TUT4: variants seen among roughly 807,000 people sequenced by gnomAD.
The protein encoded by TUT4 is terminal uridylyltransferase 4.
In TUT4, 36 loss-of-function variants were observed where a neutral mutation model predicts 192.2. The ratio of observed to expected loss-of-function variants is 0.19; its 90% CI spans 0.14 to 0.25. The LOEUF (loss-of-function observed/expected upper bound fraction) is 0.25. Ranked by LOEUF, TUT4 falls within the 10% of genes least tolerant of loss-of-function variation. The pLI is 1.00. For missense variants in TUT4, 1,493 were observed against 1,957.2 expected (o/e 0.76, Z 4.47); for synonymous variants, 618 against 666.0 (o/e 0.93, Z 1.11).
chr1:52,424,395 T>C (rs1649109317), intron 29 of TUT4: 2 of 174,278 alleles, frequency 1.1e-5, no homozygotes, highest in African/African-American at 4.8e-5. Flanking sequence ...ATATGGGTGG[T>C]TTAAGAAGGC....
chr1:52,447,582 G>A (rs1657938878), intron 20 of TUT4, among the ~76,000 whole-genome samples: 1 of 151,668 alleles, frequency 6.6e-6, no homozygotes. Flanking sequence ...GAAAAAAGGA[G>A]AAAAAAACGC....
intron 16 of TUT4, chr1:52,463,252 T>C (rs1663121977): frequency 3.0e-6 from 3 of 987,962 alleles, no homozygotes; most frequent in Non-Finnish European, 3.6e-6. Flanking sequence ...TTCCTGGGTA[T>C]AAAAATCATT....
intron 7 of TUT4, 76 bp downstream of exon 7, chr1:52,493,535 C>T: frequency 1.9e-6 from 2 of 1,029,748 alleles, no homozygotes; most frequent in Non-Finnish European, 2.8e-6. Context: ...CTTGGTTAGC[C>T]ATATATAAAC....
At chr1:52,521,084 G>A (rs1044389457) in intron 2 of TUT4, among the ~76,000 whole-genome samples, 34 of 151,972 alleles carry the variant, frequency 2.2e-4, no homozygotes, top group African/African-American at 5.8e-4. Context: ...GTGAGCCACC[G>A]TGCCCGGCCA....
chr1:52,488,706 C>CCA, intron 9 of TUT4, among the ~76,000 whole-genome samples: 1 of 152,210 alleles, frequency 6.6e-6, no homozygotes, highest in East Asian at 1.9e-4. Context: ...TAAAATATAT[C>CCA]CATAAGTGTG....
intron 18 of TUT4, 29 bp downstream of exon 18, chr1:52,461,484 A>G (rs1361854496): frequency 6.3e-7 from 1 of 1,578,208 alleles, no homozygotes; most frequent in African/African-American, 1.4e-5. Context: ...AATGAAAAGT[A>G]TATACATGGC....
chr1:52,508,627 A>T (rs1676279490), intron 4 of TUT4, among the ~76,000 whole-genome samples: 1 of 152,148 alleles, frequency 6.6e-6, no homozygotes, highest in Non-Finnish European at 1.5e-5. Flanking sequence ...AATGTGTTAG[A>T]TTTTCTGATC....
intron 20 of TUT4, among the ~76,000 whole-genome samples, chr1:52,453,096 T>C (rs1659909755): frequency 6.6e-6 from 1 of 151,972 alleles, no homozygotes; most frequent in Admixed American, 6.6e-5. Context: ...AGAAAAAACA[T>C]TTTGGGGGCT....
At position 52,545,036 on chromosome 1, in the gene TUT4, G is replaced by A. The variant is rs373400858; in HGVS notation, c.-94+7895C>T. On this transcript the variant is annotated intron_variant, in intron 1 of 29. Coordinates refer to ENST00000257177, the MANE Select transcript of TUT4 (RefSeq NM_001009881.3). ...TGCGCCACTGCACCCCAGCCTAGGG[G>A]ACAGAGTGAGACCTTGTCCCCAAAA... 4.1e-5 allele frequency among the ~76,000 whole-genome samples: 6 copies of A among 145,934 alleles called. No individual in the cohort carries two copies. In the East Asian group the frequency reaches 1.2e-3, roughly 29 times the overall value.
chr1:52,438,431 C>A, intron 24 of TUT4, 96 bp from the exon 25 acceptor site: 1 of 789,742 alleles, frequency 1.3e-6, no homozygotes, highest in East Asian at 2.6e-5. Context: ...TTTATTTTTA[C>A]AAAGAAAATA....
intron 24 of TUT4, among the ~76,000 whole-genome samples, chr1:52,444,302 T>G (rs566772955): frequency 6.6e-6 from 1 of 152,364 alleles, no homozygotes; most frequent in East Asian, 1.9e-4. Context: ...TTTGCATTGT[T>G]TCAAATTTTA....
At chr1:52,474,774 A>T in intron 13 of TUT4, 58 bp downstream of exon 13, 3 of 1,390,706 alleles carry the variant, frequency 2.2e-6, no homozygotes, top group Non-Finnish European at 2.9e-6. Context: ...TCTAAAAAAT[A>T]TACATAGTCA....
At chr1:52,514,126 G>A (rs2149349674) in intron 3 of TUT4, among the ~76,000 whole-genome samples, 1 of 152,220 alleles carries the variant, frequency 6.6e-6, no homozygotes, top group African/African-American at 2.4e-5. Flanking sequence ...GAGGAAAAGT[G>A]AAAGAACTAA....
chr1:52,449,096 C>G (rs181685640), intron 20 of TUT4, among the ~76,000 whole-genome samples: 146 of 152,196 alleles, frequency 9.6e-4, no homozygotes, highest in African/African-American at 3.4e-3. Context: ...CACACACACA[C>G]ACACTCTCTC....
At chr1:52,450,070 A>G (rs1658901301) in intron 20 of TUT4, among the ~76,000 whole-genome samples, 2 of 152,326 alleles carry the variant, frequency 1.3e-5, no homozygotes, top group South Asian at 2.1e-4. Flanking sequence ...GCTAGGGTAG[A>G]GCAAAAATCT....
At chr1:52,531,388 GAAGTGATCCTGA>G (rs1172469303) in intron 1 of TUT4, among the ~76,000 whole-genome samples, 5 of 152,138 alleles carry the variant, frequency 3.3e-5, no homozygotes, top group Non-Finnish European at 5.9e-5. Flanking sequence ...ATGGCTGTAA[GAAGTGATCCTGA>G]AAGTGATCCT....
At chr1:52,441,583 G>A (rs990226503) in intron 24 of TUT4, among the ~76,000 whole-genome samples, 9 of 150,592 alleles carry the variant, frequency 6.0e-5, no homozygotes, top group Non-Finnish European at 1.3e-4. Context: ...ATGAGCCACC[G>A]CGCCTGGCCG....
chr1:52,451,563 CA>C (rs1174683792), intron 20 of TUT4, among the ~76,000 whole-genome samples: 1 of 151,870 alleles, frequency 6.6e-6, no homozygotes, highest in African/African-American at 2.4e-5. Flanking sequence ...ATATACCAGC[CA>C]GGGGCGGTGG....
In TUT4 at chr1:52,481,412, A is replaced by G. The variant is rs746753824; in HGVS notation, c.1848+11T>C. On this transcript the variant is annotated intron_variant, in intron 11 of 29. Transcript: ENST00000257177. ...ATAGAAAAGCCAAAAAACAAAAACA[A>G]AAAGGCTTACTTTGCCATGTTTTTC... The G allele has an allele frequency of 1.4e-5, 22 of 1,612,574 alleles. No homozygotes were observed. The highest frequency in any genetic ancestry group is 1.7e-4 in the Middle Eastern group (1 of 6,052).
Sources: allele counts gnomAD v4.1 joint callset (sites outside exome capture counted in the v4.1 genomes callset), GRCh38; gene constraint gnomAD v4.1.1; transcripts MANE v1.5; gene names NCBI Gene and HGNC (gene_info 2026-07-23, HGNC 2026-07-21).